VCL: variants seen among roughly 807,000 people sequenced by gnomAD.
VCL encodes vinculin, also known as epididymis luminal protein 114.
A neutral mutation model predicts 125.7 loss-of-function variants in VCL; 47 were observed. That is an observed-to-expected ratio of 0.37 (90% CI 0.30 to 0.48). The LOEUF is 0.48. Ranked by LOEUF, VCL falls within the 20% of genes least tolerant of loss-of-function variation. VCL has a pLI of 0.99. For missense variants in VCL, 1,069 were observed against 1,455.5 expected, an observed-to-expected ratio of 0.73 and a Z score of 4.32; for synonymous variants, 458 against 514.6, an observed-to-expected ratio of 0.89 and a Z score of 1.49.
chr10:74,101,127 T>C, intron 14 of VCL, 30 bp downstream of exon 14: 3 of 1,608,200 alleles, frequency 1.9e-6, no homozygotes, highest in Non-Finnish European at 2.5e-6. Flanking sequence ...TCATACAGTG[T>C]TCAGTAAAGA....
At chr10:74,078,858 G>A (rs1276538272) in intron 6 of VCL, among the ~76,000 whole-genome samples, 4 of 152,192 alleles carry the variant, frequency 2.6e-5, no homozygotes, top group African/African-American at 4.8e-5. Flanking sequence ...AGGTGGAAAT[G>A]AGGTTAGAAA....
Position 74,118,362 on chromosome 10 carries a change from T to C in VCL, c.*193T>C. ...TTTCATGGACACTTTGAAATGTGTTTCTGTATAAAGCCTGTATTCTCAAAC... is the reference window on the plus strand; with the variant it reads ...TTTCATGGACACTTTGAAATGTGTTCCTGTATAAAGCCTGTATTCTCAAAC... On this transcript the variant is annotated 3_prime_UTR_variant, in exon 22 of 22. Transcript: ENST00000211998. The C allele has an allele frequency of 1.4e-6, 1 of 711,604 alleles. No individual in the cohort carries two copies. Among genetic ancestry groups the C allele is most frequent in the South Asian group, 1.6e-5 (1 of 60,728 alleles). The allele number at this position is 711,604 out of a possible 1,614,324, so 44.1% of individuals were successfully genotyped here. A position where few individuals can be genotyped will look rare whatever the true frequency, so the allele number is the denominator to read the frequency against.
chr10:74,108,070 TGTTAA>T (rs1475673963), intron 17 of VCL, among the ~76,000 whole-genome samples: 5 of 152,192 alleles, frequency 3.3e-5, no homozygotes, highest in African/African-American at 1.2e-4. Context: ...CAGTAAAAGA[TGTTAA>T]GTTTTTAAGT....
chr10:74,014,434 C>G (rs940110108), intron 1 of VCL, among the ~76,000 whole-genome samples: 14 of 151,848 alleles, frequency 9.2e-5, no homozygotes, highest in Non-Finnish European at 1.6e-4. Flanking sequence ...GGGGTTTTCC[C>G]ATGTTGCCCA....
intron 2 of VCL, among the ~76,000 whole-genome samples, chr10:74,066,061 A>ATATATAT (rs1441211975): frequency 7.3e-6 from 1 of 137,470 alleles, no homozygotes; most frequent in African/African-American, 2.6e-5. Flanking sequence ...ATATATATAT[A>ATATATAT]TTTTTTTTTT....
chr10:74,003,458 T>C (rs770999027), intron 1 of VCL, among the ~76,000 whole-genome samples: 4 of 152,160 alleles, frequency 2.6e-5, no homozygotes, highest in Admixed American at 6.6e-5. Flanking sequence ...AAATGGCCCA[T>C]AGAAATGTGT....
intron 2 of VCL, among the ~76,000 whole-genome samples, chr10:74,051,457 G>A (rs549462689): frequency 1.3e-5 from 2 of 152,286 alleles, no homozygotes; most frequent in East Asian, 1.9e-4. Flanking sequence ...GCCTGGTCTT[G>A]AGCTCTGCTC....
intron 1 of VCL, among the ~76,000 whole-genome samples, chr10:74,018,674 A>AGT (rs1422199995): frequency 1.2e-4 from 19 of 152,190 alleles, no homozygotes; most frequent in Admixed American, 1.2e-3. Context: ...CTCAGACGAC[A>AGT]TAAATCAGTT....
intron 1 of VCL, among the ~76,000 whole-genome samples, chr10:73,999,457 C>T (rs1438412249): frequency 6.6e-6 from 1 of 152,190 alleles, no homozygotes; most frequent in Non-Finnish European, 1.5e-5. Flanking sequence ...TAATGTCACA[C>T]TTTTCTTTCC....
At chr10:74,090,662 TATAGGAG>T (rs1839866893) in intron 10 of VCL, among the ~76,000 whole-genome samples, 1 of 152,210 alleles carries the variant, frequency 6.6e-6, no homozygotes, top group Non-Finnish European at 1.5e-5. Flanking sequence ...AAGTAGCAAG[TATAGGAG>T]ATACTTAAAT....
intron 1 of VCL, among the ~76,000 whole-genome samples, chr10:74,003,941 G>A (rs1365234998): frequency 6.6e-6 from 1 of 152,074 alleles, no homozygotes; most frequent in Admixed American, 6.6e-5. Flanking sequence ...GGCTGGTCTT[G>A]AACTCCTGGC....
At chr10:74,111,178 T>A (rs1840213150) in intron 18 of VCL, among the ~76,000 whole-genome samples, 1 of 152,176 alleles carries the variant, frequency 6.6e-6, no homozygotes, top group African/African-American at 2.4e-5. Context: ...GTCTGATGTG[T>A]GGGTGTTCCC....
chr10:74,020,055 C>A (rs1234437222), intron 1 of VCL, among the ~76,000 whole-genome samples: 3 of 150,530 alleles, frequency 2.0e-5, no homozygotes, highest in Non-Finnish European at 2.9e-5. Context: ...AAGAGTGAAA[C>A]TCCGTCTCAA....
chr10:74,114,356 C>T lies in VCL; in HGVS notation c.3122C>T (p.Thr1041Ile). Residue 1041 changes from threonine (T) to isoleucine (I), a missense_variant, in exon 20 of 22, where the codon ACA becomes ATA. By Grantham distance (89) the Thr-to-Ile change is moderately conservative. This residue lies in a region of VCL where 91 missense variants were observed against 203.9 expected (regional missense o/e 0.45). Coordinates refer to ENST00000211998, the MANE Select transcript of VCL (RefSeq NM_014000.3). ...GCCAAGGAGGTTGCCAAGCAGTGCACAGATAAACGGATTAGAACCAACCTC... is the reference window on the plus strand; with the variant it reads ...GCCAAGGAGGTTGCCAAGCAGTGCATAGATAAACGGATTAGAACCAACCTC... ...RLAKEVAKQCTDKRIRTNLLQ... is the reference protein window; with the variant it reads ...RLAKEVAKQCIDKRIRTNLLQ... 1 of 1,613,630 alleles carries T rather than the reference C, an allele frequency of 6.2e-7. No individual in the cohort carries two copies. Among genetic ancestry groups the T allele is most frequent in the Non-Finnish European group, 8.5e-7 (1 of 1,179,970 alleles).
chr10:74,039,758 A>T (rs187012880), intron 1 of VCL, among the ~76,000 whole-genome samples: 2 of 151,958 alleles, frequency 1.3e-5, no homozygotes, highest in East Asian at 3.9e-4. Flanking sequence ...ATGGGGCCAG[A>T]TCATGTCTCT....
At chr10:73,999,428 C>G (rs1840183915) in intron 1 of VCL, among the ~76,000 whole-genome samples, 1 of 152,216 alleles carries the variant, frequency 6.6e-6, no homozygotes, top group African/African-American at 2.4e-5. Context: ...TGAGACCAGT[C>G]TCCCAAGACT....
At chr10:74,012,804 A>G (rs1344057948) in intron 1 of VCL, among the ~76,000 whole-genome samples, 1 of 152,096 alleles carries the variant, frequency 6.6e-6, no homozygotes, top group Non-Finnish European at 1.5e-5. Flanking sequence ...CTTCTGCCTG[A>G]TGTACTCTTC....
At chr10:74,065,756 A>G (rs1363957249) in intron 2 of VCL, among the ~76,000 whole-genome samples, 1 of 152,024 alleles carries the variant, frequency 6.6e-6, no homozygotes, top group African/African-American at 2.4e-5. Flanking sequence ...AGATTGGCAT[A>G]TTAAAAGTTC....
intron 21 of VCL, among the ~76,000 whole-genome samples, chr10:74,116,698 ATAATAAT>A (rs1840315529): frequency 7.0e-6 from 1 of 142,658 alleles, no homozygotes; most frequent in Admixed American, 7.1e-5. Context: ...AAAAAAAAAA[ATAATAAT>A]AAAATAAAAT....
Sources: gnomAD v4.1 joint callset for allele counts (sites outside exome capture counted in the v4.1 genomes callset) on GRCh38, gnomAD v4.1.1 for gene constraint, gnomAD v4.1.1 regional missense constraint, MANE v1.5 for transcripts, NCBI Gene and HGNC (gene_info 2026-07-23, HGNC 2026-07-21) for gene names.